Variants in SMYD3 observed in about 807,000 individuals in gnomAD.
The protein encoded by SMYD3 is histone-lysine N-methyltransferase SMYD3.
In SMYD3, 36 loss-of-function variants were observed where a neutral mutation model predicts 57.7. The ratio of observed to expected loss-of-function variants is 0.62; its 90% confidence interval spans 0.48 to 0.82. The LOEUF is 0.82. Ranked by LOEUF, SMYD3 falls within the 40% of genes least tolerant of loss-of-function variation. The pLI, the probability that SMYD3 is intolerant of heterozygous loss-of-function variation, is 0.00. For synonymous variants in SMYD3, 211 were observed against 195.0 expected (o/e 1.08, Z -0.68); for missense variants, 515 against 538.8 (o/e 0.96, Z 0.44).
intron 5 of SMYD3, among the ~76,000 whole-genome samples, chr1:246,226,060 T>C (rs1057198823): frequency 2.0e-5 from 3 of 152,202 alleles, no homozygotes; most frequent in African/African-American, 7.2e-5. Flanking sequence ...TTTTTCACAC[T>C]GTCTCCCAAT....
intron 10 of SMYD3, among the ~76,000 whole-genome samples, chr1:245,816,296 G>A (rs2048797352): frequency 6.6e-6 from 1 of 152,040 alleles, no homozygotes; most frequent in African/African-American, 2.4e-5. Flanking sequence ...TACTCCCGGG[G>A]TGGCTAGGGG....
chr1:245,863,990 A>G (rs994544761), intron 8 of SMYD3, 104 bp from the exon 9 acceptor site: 13 of 1,008,214 alleles, frequency 1.3e-5, no homozygotes, highest in Non-Finnish European at 1.8e-5. Context: ...AGCCCCTGAA[A>G]AGATGCTTGG....
At chr1:245,873,925 T>C (rs148089707) in intron 8 of SMYD3, among the ~76,000 whole-genome samples, 9 of 152,298 alleles carry the variant, frequency 5.9e-5, no homozygotes, top group African/African-American at 1.7e-4. Context: ...CTGGCTCCGC[T>C]TGCCCAGGTG....
chr1:245,785,879 AT>A (rs1303040545), intron 10 of SMYD3, among the ~76,000 whole-genome samples: 1 of 151,312 alleles, frequency 6.6e-6, no homozygotes, highest in Non-Finnish European at 1.5e-5. Flanking sequence ...TATTTTTTTT[AT>A]TTTTTGTAGA....
At chr1:246,075,457 T>C (rs1157700003) in intron 5 of SMYD3, among the ~76,000 whole-genome samples, 3 of 152,126 alleles carry the variant, frequency 2.0e-5, no homozygotes, top group Non-Finnish European at 4.4e-5. Context: ...AGAAATGTGC[T>C]GAAAGAGAAG....
chr1:246,252,338 AAC>A (rs1409953446), intron 5 of SMYD3, among the ~76,000 whole-genome samples: 4 of 152,242 alleles, frequency 2.6e-5, no homozygotes, highest in Non-Finnish European at 4.4e-5. Flanking sequence ...AATAAAAGAT[AAC>A]ACAGTGTTTG....
chr1:246,150,350 T>G (rs1444728249), intron 5 of SMYD3, among the ~76,000 whole-genome samples: 1 of 152,204 alleles, frequency 6.6e-6, no homozygotes, highest in East Asian at 1.9e-4. Context: ...GTTTAGAAAT[T>G]AGTACTCGGG....
intron 8 of SMYD3, among the ~76,000 whole-genome samples, chr1:245,867,759 T>C (rs2051959907): frequency 6.6e-6 from 1 of 152,114 alleles, no homozygotes; most frequent in Non-Finnish European, 1.5e-5. Flanking sequence ...GGGAGTTCAT[T>C]TTAAACAGGA....
chr1:246,422,307 G>T lies in SMYD3; in HGVS notation c.165-67213C>A, dbSNP rs367745899. Among the ~76,000 whole-genome samples, 22 of 152,250 alleles carry T rather than the reference G, an allele frequency of 1.4e-4. No homozygotes were observed. The East Asian group carries it at 1.5e-3, about 11-fold the overall frequency. Reference sequence around the variant, plus strand: ...TAAATAGATAAATATATATATTATAGTTGGATAGGACTTTAAATATTGCCT... The same window carrying T: ...TAAATAGATAAATATATATATTATATTTGGATAGGACTTTAAATATTGCCT... On this transcript the variant is annotated intron_variant, in intron 1 of 11. Transcript: ENST00000490107.
At chr1:245,806,818 G>A (rs1299681797) in intron 10 of SMYD3, among the ~76,000 whole-genome samples, 5 of 148,722 alleles carry the variant, frequency 3.4e-5, no homozygotes, top group Non-Finnish European at 7.4e-5. Flanking sequence ...GCTGAGGCAG[G>A]AGAATGGCGT....
At chr1:245,997,825 A>C (rs2058962605) in intron 5 of SMYD3, among the ~76,000 whole-genome samples, 1 of 152,182 alleles carries the variant, frequency 6.6e-6, no homozygotes, top group Non-Finnish European at 1.5e-5. Context: ...GAGTGATCAG[A>C]ACTGCTGGGA....
At chr1:245,807,824 A>C (rs1386866546) in intron 10 of SMYD3, among the ~76,000 whole-genome samples, 1 of 151,494 alleles carries the variant, frequency 6.6e-6, no homozygotes. Context: ...AAAAAAAAAA[A>C]AAACAAAAAA....
intron 8 of SMYD3, among the ~76,000 whole-genome samples, chr1:245,912,828 T>G (rs2055097196): frequency 6.6e-6 from 1 of 152,190 alleles, no homozygotes; most frequent in African/African-American, 2.4e-5. Context: ...ACTAAACCCT[T>G]ATCTGTCACC....
chr1:245,924,654 GCT>G lies in SMYD3; in HGVS notation c.702+3275_702+3276del, dbSNP rs1491189382. ...TGTAAATGTCTGAGACTCTATTCCA[GCT>G]TTTTTTTTTTTTTTTTTTTTTTCTG... On this transcript the variant is annotated intron_variant, in intron 7 of 11. Coordinates refer to ENST00000490107, the MANE Select transcript of SMYD3 (RefSeq NM_001167740.2). 2.3e-3 allele frequency among the ~76,000 whole-genome samples: 265 copies of G among 115,148 alleles called. 6 individuals carry two copies. Among genetic ancestry groups the G allele is most frequent in the East Asian group, 0.016 (69 of 4,344 alleles). The allele number at this position is 115,148 out of a possible 152,430, so 75.5% of individuals were successfully genotyped here.
Position 246,203,929 on chromosome 1 carries a change from A to G in SMYD3, c.531+123272T>C, listed in dbSNP as rs1188813975. ...CTGCCAAGATGTGAAAATACCCTAA[A>G]CTAGAAGTCTCAAACTCAAATATAG... On this transcript the variant is annotated intron_variant, in intron 5 of 11. Coordinates refer to ENST00000490107, the MANE Select transcript of SMYD3 (RefSeq NM_001167740.2). This position sits in a 1 kb window ranked among gnomAD's most constrained non-coding sequence, Gnocchi z 4.6. 6.6e-6 allele frequency among the ~76,000 whole-genome samples: 1 copy of G among 152,066 alleles called. No individual in the cohort carries two copies. The highest frequency in any genetic ancestry group is 1.5e-5 in the Non-Finnish European group (1 of 68,006).
chr1:246,185,421 G>A (rs1303714500), intron 5 of SMYD3, among the ~76,000 whole-genome samples: 1 of 132,902 alleles, frequency 7.5e-6, no homozygotes, highest in Non-Finnish European at 1.6e-5. Context: ...ACTTTTAGTA[G>A]AGACAGGGTT....
At chr1:245,809,845 A>G (rs1235040744) in intron 10 of SMYD3, among the ~76,000 whole-genome samples, 1 of 152,182 alleles carries the variant, frequency 6.6e-6, no homozygotes, top group Non-Finnish European at 1.5e-5. Context: ...ATCCTTGACA[A>G]CTTATTATTG....
At chr1:246,450,413 C>T (rs1227098715) in intron 1 of SMYD3, among the ~76,000 whole-genome samples, 2 of 152,178 alleles carry the variant, frequency 1.3e-5, no homozygotes, top group Admixed American at 6.5e-5. Context: ...ATTTGATCAC[C>T]TCCGTTGTTC....
intron 10 of SMYD3, among the ~76,000 whole-genome samples, chr1:245,780,761 T>A (rs77002382): frequency 0.039 from 5,867 of 152,252 alleles, 399 homozygotes; most frequent in African/African-American, 0.13. Flanking sequence ...AATCTACTTA[T>A]GAGAAATAAA....
Sources: allele counts gnomAD v4.1 joint callset (sites outside exome capture counted in the v4.1 genomes callset), GRCh38; gene constraint gnomAD v4.1.1; non-coding constraint Gnocchi (gnomAD v3.1); transcripts MANE v1.5; gene names NCBI Gene and HGNC (gene_info 2026-07-23, HGNC 2026-07-21).